The following C3 variants were observed in gnomAD, a reference collection of about 807,000 sequenced individuals.
C3 encodes the protein complement C3.
Under a neutral mutation model 207.9 loss-of-function variants are expected in C3, and 97 were observed. The ratio of observed to expected loss-of-function variants is 0.47; its 90% confidence interval spans 0.40 to 0.55. The LOEUF is 0.55. Among genes scored for constraint, C3 ranks in the 20% least tolerant of loss-of-function variants. The pLI is 0.00. For missense variants in C3, 1,684 were observed against 2,171.7 expected (o/e 0.78, Z 4.46); for synonymous variants, 848 against 857.6 (o/e 0.99, Z 0.20).
intron 23 of C3, 49 bp from the exon 24 acceptor site, chr19:6,694,683 C>G: frequency 1.3e-6 from 2 of 1,567,592 alleles, no homozygotes; most frequent in Non-Finnish European, 1.7e-6. Flanking sequence ...GGGTGACCCA[C>G]CTTGGGGTGG....
At chr19:6,702,367 G>A in intron 18 of C3, 104 bp downstream of exon 18, 1 of 997,366 alleles carries the variant, frequency 1.0e-6, no homozygotes, top group South Asian at 1.3e-5. Context: ...AGGTTGGGCT[G>A]TGGGGTTGCA....
chr19:6,693,432 C>A lies in C3; in HGVS notation c.3210G>T (p.Val1070=). The change falls in exon 25 of 41, where the codon GTG becomes GTT. Residue 1070 remains valine, a synonymous_variant. Transcript: ENST00000245907. ...RQPSSAFAAF[V]KRAPSTWLTA... ...CTCACCAGGTGCTGGGTGCCCGTTT[C>A]ACGAAGGCCGCAAAGGCAGAGCTGG... is the stretch of plus-strand genomic sequence containing the variant. 6.2e-7 allele frequency: 1 copy of A among 1,611,746 alleles called. No homozygotes were observed. The highest frequency in any genetic ancestry group is 8.5e-7 in the Non-Finnish European group (1 of 1,179,278).
chr19:6,716,535 C>T (rs1305735029), intron 4 of C3: 1 of 152,258 alleles, frequency 6.6e-6, no homozygotes, highest in Non-Finnish European at 1.5e-5. Flanking sequence ...TGCACCTAGC[C>T]TTGTATGATT....
Position 6,719,336 on chromosome 19 carries a change from C to A in C3, c.142G>T (p.Asp48Tyr). The change falls in exon 2 of 41, where the codon GAC (aspartate) becomes TAC (tyrosine). Residue 48 changes from aspartate (D) to tyrosine (Y), a missense_variant. Coordinates refer to ENST00000245907, the MANE Select transcript of C3 (RefSeq NM_000064.4). The surrounding 1 kb of genome is among the most constrained non-coding windows in gnomAD (Gnocchi z 5.4). The part of the protein sequence containing the change: ...SEETMVLEAH[D>Y]AQGDVPVTVT... Reference sequence around the variant, plus strand: ...GTGACTGGAACATCCCCTTGCGCGTCGTGGGCCTCCAGCACCATGGTCTCC... The same window carrying A: ...GTGACTGGAACATCCCCTTGCGCGTAGTGGGCCTCCAGCACCATGGTCTCC... 6.2e-7 allele frequency: 1 copy of A among 1,614,036 alleles called. No homozygotes were observed.
chr19:6,699,226 C>CTCTTT (rs1225786728), intron 19 of C3, among the ~76,000 whole-genome samples: 4 of 138,036 alleles, frequency 2.9e-5, no homozygotes, highest in Non-Finnish European at 6.1e-5. Flanking sequence ...CCTTTTCTTT[C>CTCTTT]TCTTTTCTTT....
chr19:6,706,905 C>T (rs1330027874), intron 17 of C3, among the ~76,000 whole-genome samples, 171 bp downstream of exon 17: 1 of 144,970 alleles, frequency 6.9e-6, no homozygotes, highest in Non-Finnish European at 1.5e-5. Flanking sequence ...GGGGCCTCCT[C>T]CCCCCTGAGA....
At position 6,712,416 on chromosome 19, in the gene C3, G is replaced by A; in HGVS notation, c.1120-10C>T. The A allele has an allele frequency of 6.2e-7, 1 of 1,614,174 alleles. No homozygotes were observed. The highest frequency in any genetic ancestry group is 1.3e-5 in the African/African-American group (1 of 75,052). ...GGTTCGTCACGAACACCTGTGATGT[G>A]GGGTGCAGGTGGGGGAAGTTCAGGC... On this transcript the variant is annotated splice_polypyrimidine_tract_variant and intron_variant, in intron 10 of 40. Transcript: ENST00000245907.
intron 14 of C3, 102 bp from the exon 15 acceptor site, chr19:6,708,031 G>A (rs1967819528): frequency 2.9e-6 from 4 of 1,384,494 alleles, no homozygotes; most frequent in Non-Finnish European, 4.0e-6. Flanking sequence ...ACCCCACCCT[G>A]TCCCACTCTC....
Position 6,707,622 on chromosome 19 carries a change from G to T in C3, c.1976-85C>A. On this transcript the variant is annotated intron_variant, in intron 15 of 40. Transcript: ENST00000245907. ...CACCCCTCACGATCGTGTGAGGTGG[G>T]GGTGTTCCTGCTCCCATTTGATGGA... The T allele has an allele frequency of 5.2e-6, 8 of 1,539,626 alleles. No homozygotes were observed. The South Asian group carries it at 8.9e-5, about 17-fold the overall frequency.
intron 19 of C3, among the ~76,000 whole-genome samples, chr19:6,698,826 GCT>G (rs1967592489): frequency 6.6e-6 from 1 of 151,738 alleles, no homozygotes; most frequent in Admixed American, 6.6e-5. Context: ...ATGGGGTCTC[GCT>G]CTGTCACCCA....
At chr19:6,716,079 A>C (rs1968028016) in intron 4 of C3, among the ~76,000 whole-genome samples, 2 of 152,150 alleles carry the variant, frequency 1.3e-5, no homozygotes, top group Admixed American at 1.3e-4. Flanking sequence ...TCAATCCCTA[A>C]ATCTAGATAA....
intron 8 of C3, 31 bp from the exon 9 acceptor site, chr19:6,713,346 G>A: frequency 6.2e-7 from 1 of 1,613,940 alleles, no homozygotes; most frequent in Admixed American, 1.7e-5. Context: ...TCAGAGAGGG[G>A]AGCGGGCTCA....
intron 33 of C3, 98 bp downstream of exon 33, chr19:6,684,290 T>C (rs1276665138): frequency 1.1e-6 from 1 of 932,580 alleles, no homozygotes; most frequent in African/African-American, 1.6e-5. Context: ...ATACACAGTG[T>C]ACTTGGAAAG....
In C3 at chr19:6,720,548, T is replaced by G. The variant is rs1165827891; in HGVS notation, c.42A>C (p.Leu14=). ...TSGPSLLLLL[L]THLPLALGSP... ...TCCCCAGAGCCAGGGGGAGGTGGGT[T>G]AGTAGCAGGAGCAGCAGGCTGGGAC... Residue 14 remains leucine, a synonymous_variant, in exon 1 of 41, where the codon CTA becomes CTC. Transcript: ENST00000245907. 1 of 1,593,840 alleles carries G rather than the reference T, an allele frequency of 6.3e-7. No individual in the cohort carries two copies. The highest frequency in any genetic ancestry group is 2.3e-5 in the East Asian group (1 of 44,202).
At chr19:6,692,803 G>C in intron 26 of C3, 121 bp downstream of exon 26, 1 of 1,260,816 alleles carries the variant, frequency 7.9e-7, no homozygotes, top group African/African-American at 1.5e-5. Flanking sequence ...CCACCCCCCA[G>C]CCCAATCTTT....
At chr19:6,706,943 G>A in intron 17 of C3, 133 bp downstream of exon 17, 3 of 659,842 alleles carry the variant, frequency 4.5e-6, no homozygotes, top group Non-Finnish European at 7.4e-6. Flanking sequence ...CTCAGACAGG[G>A]GCCTCCTCCC....
chr19:6,679,403 T>G lies in C3; in HGVS notation c.4546+4A>C. ...CCACCTGTTCCCGGCTCCAGGGAAC[T>G]CACCCTCAGCACAGCGGCACAGTTC... On this transcript the variant is annotated splice_donor_region_variant and intron_variant, in intron 37 of 40. Transcript: ENST00000245907. 1 of 1,611,112 alleles carries G rather than the reference T, an allele frequency of 6.2e-7. No homozygotes were observed. Among genetic ancestry groups the G allele is most frequent in the Non-Finnish European group, 8.5e-7 (1 of 1,177,270 alleles).
intron 2 of C3, among the ~76,000 whole-genome samples, chr19:6,718,745 T>C (rs1164645639): frequency 7.2e-6 from 1 of 139,714 alleles, no homozygotes; most frequent in Non-Finnish European, 1.5e-5. Context: ...TGATGGAGAC[T>C]AAGAGGGGAG....
At chr19:6,700,214 TTACA>T (rs907774330) in intron 19 of C3, among the ~76,000 whole-genome samples, 3 of 135,040 alleles carry the variant, frequency 2.2e-5, no homozygotes, top group African/African-American at 7.9e-5. Flanking sequence ...TATGTATATA[TTACA>T]TATATATTAT....
Sources: allele counts gnomAD v4.1 joint callset (sites outside exome capture counted in the v4.1 genomes callset), GRCh38; gene constraint gnomAD v4.1.1; non-coding constraint Gnocchi (gnomAD v3.1); transcripts MANE v1.5; gene names NCBI Gene and HGNC (gene_info 2026-07-23, HGNC 2026-07-21).